MYH7B: variants seen among roughly 807,000 people sequenced by gnomAD.
MYH7B encodes myosin-7B.
MYH7B carries 205 observed loss-of-function variants against 234.5 expected under a neutral mutation model. The observed-to-expected ratio is 0.87, with a 90% confidence interval of 0.78 to 0.98. The LOEUF (loss-of-function observed/expected upper bound fraction) is 0.98, where lower values mean the gene tolerates loss of function less well. MYH7B is among the 50% of genes least tolerant of loss of function. The pLI is 0.00. For synonymous variants in MYH7B, 1,193 were observed against 1,105.0 expected (o/e 1.08, Z -1.58); for missense variants, 2,652 against 2,633.4 (o/e 1.01, Z -0.15).
intron 19 of MYH7B, among the ~76,000 whole-genome samples, chr20:34,989,256 G>A (rs929577502): frequency 3.3e-5 from 5 of 152,228 alleles, no homozygotes; most frequent in East Asian, 1.9e-4. Flanking sequence ...ACAGCTGGGC[G>A]TTTAGGTGAT....
chr20:34,999,627 C>G, exon 37 of MYH7B: 2 of 1,613,750 alleles, frequency 1.2e-6, no homozygotes, highest in Admixed American at 1.7e-5. Flanking sequence ...CATCCAGGAA[C>G]TGGAGAAAAC....
intron 2 of MYH7B, among the ~76,000 whole-genome samples, chr20:34,970,792 C>A (rs1297549534): frequency 1.3e-5 from 2 of 152,114 alleles, no homozygotes. Flanking sequence ...GAGGCCAAGA[C>A]AGAAATACAG....
intron 2 of MYH7B, among the ~76,000 whole-genome samples, chr20:34,966,325 G>A (rs1178480834): frequency 1.3e-5 from 2 of 152,186 alleles, no homozygotes; most frequent in African/African-American, 4.8e-5. Context: ...AACATGAAAT[G>A]AGCAACACCT....
intron 15 of MYH7B, 45 bp downstream of exon 15, chr20:34,987,034 G>C: frequency 6.2e-6 from 10 of 1,610,078 alleles, no homozygotes; most frequent in Non-Finnish European, 8.5e-6. Flanking sequence ...GCCTGTGGTG[G>C]AATCGGGCAG....
chr20:34,987,701 TG>T (rs767080073), intron 17 of MYH7B, 26 bp downstream of exon 17: 4 of 1,611,926 alleles, frequency 2.5e-6, no homozygotes, highest in South Asian at 1.1e-5. Flanking sequence ...GCCAAACCCA[TG>T]GGGGACAGCC....
intron 2 of MYH7B, among the ~76,000 whole-genome samples, chr20:34,961,241 AC>A (rs2147148689): frequency 6.6e-6 from 1 of 152,288 alleles, no homozygotes; most frequent in East Asian, 1.9e-4. Flanking sequence ...TCAACATTGT[AC>A]CACCCATGTA....
At chr20:34,993,380 A>C in exon 26 of MYH7B, 1 of 1,613,744 alleles carries the variant, frequency 6.2e-7, no homozygotes, top group Non-Finnish European at 8.5e-7. Flanking sequence ...GAGCTCCGTG[A>C]CCAGCGCCTG....
intron 28 of MYH7B, among the ~76,000 whole-genome samples, chr20:34,995,821 C>T (rs772749475): frequency 2.6e-5 from 4 of 152,256 alleles, no homozygotes; most frequent in Admixed American, 6.5e-5. Flanking sequence ...GCCTTGCACA[C>T]GGTAGGTGTT....
chr20:34,999,750 T>TACCCC, intron 37 of MYH7B, 41 bp from the exon 38 acceptor site: 2 of 1,320,534 alleles, frequency 1.5e-6, no homozygotes, highest in South Asian at 2.8e-5. Flanking sequence ...CCACTGGCCA[T>TACCCC]CCCCCCCCCC....
chr20:34,988,636 GGT>G (rs1569045902), intron 19 of MYH7B, among the ~76,000 whole-genome samples: 1 of 151,892 alleles, frequency 6.6e-6, no homozygotes, highest in Non-Finnish European at 1.5e-5. Context: ...TGCAGGGCAG[GGT>G]GTGTTTCCTT....
chr20:34,995,487 AGGACGAGTGCAC>A (rs781286301), exon 28 of MYH7B: 5 of 1,614,062 alleles, frequency 3.1e-6, no homozygotes, highest in Non-Finnish European at 4.2e-6. Context: ...CGCAAGCTGG[AGGACGAGTGCAC>A]GGAGCTCAAG....
At chr20:34,995,779 G>T (rs979552581) in intron 28 of MYH7B, among the ~76,000 whole-genome samples, 4 of 152,276 alleles carry the variant, frequency 2.6e-5, no homozygotes, top group Non-Finnish European at 4.4e-5. Context: ...GGTGATGTGT[G>T]TAATTGGCCT....
intron 24 of MYH7B, among the ~76,000 whole-genome samples, chr20:34,991,428 G>C (rs1292192481): frequency 6.6e-6 from 1 of 152,194 alleles, no homozygotes; most frequent in Admixed American, 6.5e-5. Flanking sequence ...AGCAACCTGG[G>C]AGCTACCAGT....
chr20:35,000,340 C>G (rs1359467722), exon 39 of MYH7B: 2 of 1,596,286 alleles, frequency 1.3e-6, no homozygotes, highest in Non-Finnish European at 1.7e-6. Flanking sequence ...TCCCTGGATG[C>G]AGAGACACGG....
exon 19 of MYH7B, chr20:34,988,224 G>A (rs751876446): frequency 3.7e-6 from 6 of 1,613,982 alleles, no homozygotes; most frequent in South Asian, 2.2e-5. Flanking sequence ...CATCGACTTC[G>A]GCCTTGACCT....
At chr20:34,968,473 A>G (rs1173011734) in intron 2 of MYH7B, among the ~76,000 whole-genome samples, 1 of 152,226 alleles carries the variant, frequency 6.6e-6, no homozygotes, top group Non-Finnish European at 1.5e-5. Flanking sequence ...AAGGTCACAT[A>G]GTGAGTTGGA....
At chr20:34,999,494 GA>G in intron 36 of MYH7B, 76 bp from the exon 37 acceptor site, 2 of 1,526,682 alleles carry the variant, frequency 1.3e-6, no homozygotes, top group East Asian at 4.5e-5. Context: ...GGCCACCCTG[GA>G]ATCAGGGGTG....
rs1460324106 is a variant in MYH7B, at chr20:34,984,562, G to C, written c.625-130G>C. On this transcript the variant is annotated intron_variant, in intron 10 of 44. Transcript: ENST00000262873. ...TCAGGCCGAGGGGCTGAGGGTGGGG[G>C]CCATGCATTCCGGTGACTAACTCCA... is the stretch of plus-strand genomic sequence containing the variant. 26 of 774,608 alleles carry C rather than the reference G, an allele frequency of 3.4e-5. No homozygotes were observed. In the East Asian group the frequency reaches 6.9e-4, roughly 21 times the overall value. The allele number at this position is 774,608 out of a possible 1,614,324, so 48.0% of individuals were successfully genotyped here.
chr20:34,975,571 C>A, intron 3 of MYH7B, 72 bp downstream of exon 3: 2 of 692,432 alleles, frequency 2.9e-6, no homozygotes, highest in Non-Finnish European at 5.4e-6. Flanking sequence ...TTCACTGCAG[C>A]CTTGACTGTA....
Sources: gnomAD v4.1 joint callset for allele counts (sites outside exome capture counted in the v4.1 genomes callset) on GRCh38, gnomAD v4.1.1 for gene constraint, MANE v1.5 for transcripts, NCBI Gene and HGNC (gene_info 2026-07-23, HGNC 2026-07-21) for gene names.